Variants in GSG1L observed in about 807,000 individuals in gnomAD.
GSG1L encodes the protein GSG1 like, also known as germ cell-specific gene 1-like protein.
A neutral mutation model predicts 42.1 loss-of-function variants in GSG1L; 24 were observed. The observed-to-expected ratio is 0.57, with a 90% CI of 0.41 to 0.80. GSG1L has a LOEUF of 0.80. GSG1L is among the 30% of genes least tolerant of loss of function. GSG1L has a pLI of 0.00. For missense variants in GSG1L, 445 were observed against 472.2 expected, an observed-to-expected ratio of 0.94 and a Z score of 0.53; for synonymous variants, 215 against 203.5, an observed-to-expected ratio of 1.06 and a Z score of -0.48.
chr16:28,044,647 A>G (rs558646635), intron 1 of GSG1L, among the ~76,000 whole-genome samples: 1 of 134,978 alleles, frequency 7.4e-6, no homozygotes, highest in South Asian at 2.3e-4. Context: ...TTTTTGAGGC[A>G]GAGTCTCCCT....
At chr16:28,015,771 G>A (rs1218534028) in intron 1 of GSG1L, among the ~76,000 whole-genome samples, 1 of 152,162 alleles carries the variant, frequency 6.6e-6, no homozygotes, top group East Asian at 1.9e-4. Flanking sequence ...TCCTTATCAG[G>A]ACTTGAAAAA....
intron 1 of GSG1L, among the ~76,000 whole-genome samples, chr16:27,973,963 C>T (rs2141118046): frequency 6.6e-6 from 1 of 152,268 alleles, no homozygotes; most frequent in South Asian, 2.1e-4. Flanking sequence ...ATCAATGTTG[C>T]CTGGGAACGG....
At chr16:28,055,622 C>A (rs2086270592) in intron 1 of GSG1L, among the ~76,000 whole-genome samples, 1 of 152,102 alleles carries the variant, frequency 6.6e-6, no homozygotes, top group Non-Finnish European at 1.5e-5. Context: ...CAGCTGCCTG[C>A]CACCACCCGG....
rs774935067 is a variant in GSG1L at position 28,063,310 on chromosome 16, C to T, written c.115G>A (p.Val39Ile). ...CCCTGGCCGCAGCCCGGCTTGGGGA[C>T]CCGCTGCGTGCCCTGGCACCAGTGC... ...TTHWCQGTQR[V>I]PKPGCGQGGR... The change falls in exon 1 of 7, where the codon GTC becomes ATC. Residue 39 changes from valine (V) to isoleucine (I), a missense_variant. Physicochemically the swap from Val to Ile is conservative, Grantham distance 29. Transcript: ENST00000447459. This position sits in a 1 kb window ranked among gnomAD's most constrained non-coding sequence, Gnocchi z 5.8. The T allele has an allele frequency of 1.4e-6, 2 of 1,393,364 alleles. No individual in the cohort carries two copies. The highest frequency in any genetic ancestry group is 3.5e-5 in the East Asian group (1 of 28,760). The allele number at this position is 1,393,364 out of a possible 1,614,324, so 86.3% of individuals were successfully genotyped here. A position where few individuals can be genotyped will look rare whatever the true frequency, so the allele number is the denominator to read the frequency against.
chr16:27,826,684 G>T (rs886950698), intron 5 of GSG1L, among the ~76,000 whole-genome samples: 1 of 152,162 alleles, frequency 6.6e-6, no homozygotes, highest in African/African-American at 2.4e-5. Flanking sequence ...GCACCCAAGG[G>T]TGGGAAGGTG....
At chr16:28,010,531 T>A (rs1350717921) in intron 1 of GSG1L, among the ~76,000 whole-genome samples, 1 of 152,154 alleles carries the variant, frequency 6.6e-6, no homozygotes, top group Non-Finnish European at 1.5e-5. Flanking sequence ...CTGTTCAATC[T>A]GGAGGTGCCA....
chr16:27,800,684 C>T (rs1465664711), intron 6 of GSG1L, among the ~76,000 whole-genome samples: 2 of 152,084 alleles, frequency 1.3e-5, no homozygotes, highest in African/African-American at 4.8e-5. Flanking sequence ...TCTTTGGGGA[C>T]AGTTAGGATA....
At position 27,979,749 on chromosome 16, in the gene GSG1L, GGAAA is replaced by G. The variant is rs71140937; in HGVS notation, c.350-16550_350-16547del. 1.2e-3 allele frequency among the ~76,000 whole-genome samples: 116 copies of G among 99,156 alleles called. 5 individuals are homozygous for G. Among genetic ancestry groups the G allele is most frequent in the Non-Finnish European group, 1.9e-3 (94 of 50,768 alleles). 65.1% of individuals were successfully genotyped at this position (99,156 alleles called of 152,430 possible). On this transcript the variant is annotated intron_variant, in intron 1 of 6. Coordinates refer to ENST00000447459, the MANE Select transcript of GSG1L (RefSeq NM_001109763.2). ...AAGGAAAGAAAAAGAAAGAAAGAAA[GGAAA>G]GAAAGAAAGAAAGAAGGAAAGAAAG...
intron 3 of GSG1L, among the ~76,000 whole-genome samples, chr16:27,872,457 T>A (rs2083833182): frequency 6.6e-6 from 1 of 152,184 alleles, no homozygotes; most frequent in Non-Finnish European, 1.5e-5. Context: ...TAAGAGCACC[T>A]ACCATTGTAG....
chr16:27,946,577 GAA>G (rs35679129), intron 2 of GSG1L, among the ~76,000 whole-genome samples: 594 of 12,850 alleles, frequency 0.046, 3 homozygotes, highest in African/African-American at 0.057. Flanking sequence ...AAGAAAGAAA[GAA>G]AGAGAGAGAG....
intron 1 of GSG1L, among the ~76,000 whole-genome samples, chr16:27,990,461 A>G (rs1326682154): frequency 6.6e-6 from 1 of 152,178 alleles, no homozygotes; most frequent in African/African-American, 2.4e-5. Flanking sequence ...AGAATGGTGT[A>G]TTTTTAGATA....
At chr16:27,882,664 C>T (rs1308180998) in intron 3 of GSG1L, among the ~76,000 whole-genome samples, 1 of 152,182 alleles carries the variant, frequency 6.6e-6, no homozygotes, top group Non-Finnish European at 1.5e-5. Context: ...CCAAGTCTCA[C>T]TCAAATGTTG....
At chr16:27,881,450 C>G (rs2083954616) in intron 3 of GSG1L, among the ~76,000 whole-genome samples, 3 of 152,032 alleles carry the variant, frequency 2.0e-5, no homozygotes, top group African/African-American at 2.4e-5. Context: ...CCATGTTAGT[C>G]AGGCTGGTCT....
At chr16:27,946,579 A>G (rs12922103) in intron 2 of GSG1L, among the ~76,000 whole-genome samples, 839 of 36,724 alleles carry the variant, frequency 0.023, 13 homozygotes, top group Middle Eastern at 0.057. Flanking sequence ...GAAAGAAAGA[A>G]AGAGAGAGAG....
Position 27,973,006 on chromosome 16 carries a change from G to A in GSG1L, c.350-9803C>T, listed in dbSNP as rs563361221. Among the ~76,000 whole-genome samples the A allele has an allele frequency of 1.6e-4, 25 of 152,354 alleles. No homozygotes were observed. In the East Asian group the frequency reaches 4.6e-3, roughly 28 times the overall value. On this transcript the variant is annotated intron_variant, in intron 1 of 6. Coordinates refer to ENST00000447459, the MANE Select transcript of GSG1L (RefSeq NM_001109763.2). ...ACTTCTGGAATCAGCAGAGCTGAGT[G>A]CAAATGCTGGCTCTGTCACTTCCTG...
intron 1 of GSG1L, among the ~76,000 whole-genome samples, chr16:28,058,978 A>C (rs1226562910): frequency 6.6e-6 from 1 of 152,158 alleles, no homozygotes; most frequent in Admixed American, 6.5e-5. Flanking sequence ...TGCAGGATGA[A>C]CTGGGGAGTG....
intron 2 of GSG1L, among the ~76,000 whole-genome samples, chr16:27,894,837 G>C (rs1192396703): frequency 6.6e-6 from 1 of 152,166 alleles, no homozygotes; most frequent in Non-Finnish European, 1.5e-5. Flanking sequence ...AGCAGAGTCG[G>C]GTGGGAGGCA....
chr16:27,811,857 A>G (rs1301142440), intron 5 of GSG1L, among the ~76,000 whole-genome samples: 1 of 151,836 alleles, frequency 6.6e-6, no homozygotes, highest in Admixed American at 6.6e-5. Flanking sequence ...TGCCATGTTG[A>G]CCAGGCTGGT....
intron 2 of GSG1L, among the ~76,000 whole-genome samples, chr16:27,888,410 TTC>T (rs2084057767): frequency 7.7e-5 from 1 of 13,066 alleles, no homozygotes; most frequent in South Asian, 0.011. Flanking sequence ...CCTTCTTTCT[TTC>T]TTTCTTTCTT....
Sources: gnomAD v4.1 joint callset for allele counts (sites outside exome capture counted in the v4.1 genomes callset) on GRCh38, gnomAD v4.1.1 for gene constraint, Gnocchi (gnomAD v3.1) non-coding constraint, MANE v1.5 for transcripts, NCBI Gene and HGNC (gene_info 2026-07-23, HGNC 2026-07-21) for gene names.